CALCR: variants seen among roughly 807,000 people sequenced by gnomAD.
CALCR encodes calcitonin receptor.
In CALCR, 47 loss-of-function variants were observed where a neutral mutation model predicts 59.5. The observed-to-expected ratio is 0.79, with a 90% CI of 0.63 to 1.01. The LOEUF (loss-of-function observed/expected upper bound fraction) is 1.01. Among genes scored for constraint, CALCR ranks in the 50% least tolerant of loss-of-function variants. The pLI is 0.00. For synonymous variants in CALCR, 213 were observed against 211.3 expected, an observed-to-expected ratio of 1.01 and a Z score of -0.07; for missense variants, 566 against 597.1, an observed-to-expected ratio of 0.95 and a Z score of 0.54.
intron 2 of CALCR, among the ~76,000 whole-genome samples, chr7:93,501,823 C>G (rs953512601): frequency 6.6e-6 from 1 of 152,030 alleles, no homozygotes; most frequent in East Asian, 1.9e-4. Context: ...CTAAAGGAAC[C>G]CTGACTAACA....
At position 93,434,309 on chromosome 7, in the gene CALCR, A is replaced by G. The variant is rs1452048194; in HGVS notation, c.1150-15T>C. On this transcript the variant is annotated splice_polypyrimidine_tract_variant and intron_variant, in intron 12 of 13. Coordinates refer to ENST00000426151, the MANE Select transcript of CALCR (RefSeq NM_001742.4). ...ACAAAGAAGCCCTAAAAAGGGAAGG[A>G]AAAATACAGTTGAAGTTATTTTTGT... 5 of 1,598,638 alleles carry G rather than the reference A, an allele frequency of 3.1e-6. No homozygotes were observed. Among genetic ancestry groups the G allele is most frequent in the Non-Finnish European group, 4.3e-6 (5 of 1,166,126 alleles).
intron 2 of CALCR, chr7:93,495,976 T>G (rs148624177): frequency 1.4e-6 from 2 of 1,442,230 alleles, no homozygotes; most frequent in Admixed American, 4.5e-5. Context: ...TCATTTATTC[T>G]GTGAATAAAT....
chr7:93,426,269 C>T lies in CALCR; in HGVS notation c.*87G>A. 2 of 776,800 alleles carry T rather than the reference C, an allele frequency of 2.6e-6. No individual in the cohort carries two copies. Among genetic ancestry groups the T allele is most frequent in the Non-Finnish European group, 2.3e-6 (1 of 437,626 alleles). 48.1% of individuals were successfully genotyped at this position (776,800 alleles called of 1,614,324 possible). On this transcript the variant is annotated 3_prime_UTR_variant, in exon 14 of 14. Coordinates refer to ENST00000426151, the MANE Select transcript of CALCR (RefSeq NM_001742.4). ...TCTTCACAAATGATATGTTCGGTTC[C>T]TGGGAGGATGGAGAATACTTTAAAT...
chr7:93,511,610 G>GA lies in CALCR; in HGVS notation c.-26-24604dup, dbSNP rs59653498. On this transcript the variant is annotated intron_variant, in intron 2 of 13. Transcript: ENST00000426151. ...GGAAAATGTAATTCCTTTTGAATAGGAAAAAAAAATAGCAGATTCTTAGAC... is the reference window on the plus strand; with the variant it reads ...GGAAAATGTAATTCCTTTTGAATAGGAAAAAAAAAATAGCAGATTCTTAGAC... 6.6e-3 allele frequency among the ~76,000 whole-genome samples: 986 copies of GA among 150,146 alleles called. 11 individuals carry two copies. Among genetic ancestry groups the GA allele is most frequent in the African/African-American group, 0.023 (933 of 40,924 alleles).
chr7:93,451,982 A>G (rs1351332574), intron 8 of CALCR, among the ~76,000 whole-genome samples: 1 of 151,968 alleles, frequency 6.6e-6, no homozygotes, highest in African/African-American at 2.4e-5. Context: ...TCACACAAGG[A>G]CATAAACATG....
At chr7:93,510,823 C>T (rs1190095789) in intron 2 of CALCR, among the ~76,000 whole-genome samples, 1 of 152,108 alleles carries the variant, frequency 6.6e-6, no homozygotes, top group Non-Finnish European at 1.5e-5. Flanking sequence ...GATAGCACCA[C>T]TGCCACTCCA....
chr7:93,468,473 T>C (rs1800484296), intron 7 of CALCR, among the ~76,000 whole-genome samples: 1 of 151,778 alleles, frequency 6.6e-6, no homozygotes. Flanking sequence ...CTGTCTTATT[T>C]TGGGAAGTCT....
Position 93,557,291 on chromosome 7 carries a change from TTAATA to T in CALCR, c.-27+16993_-27+16997del, listed in dbSNP as rs1451756141. 1.1e-4 allele frequency among the ~76,000 whole-genome samples: 17 copies of T among 151,742 alleles called. 1 individual carries two copies. The highest frequency in any genetic ancestry group is 4.1e-4 in the African/African-American group (17 of 41,398). ...TTTAAAAAATTTAAAAATTGACAAA[TTAATA>T]TTATATATATATTTATGGTATGCAA... On this transcript the variant is annotated intron_variant, in intron 2 of 13. Transcript: ENST00000426151.
chr7:93,511,114 C>T (rs533540416), intron 2 of CALCR, among the ~76,000 whole-genome samples: 103 of 148,666 alleles, frequency 6.9e-4, no homozygotes, highest in Middle Eastern at 3.4e-3. Context: ...TATATATATT[C>T]ACATATGCAT....
chr7:93,559,692 C>T (rs1004359642), intron 2 of CALCR: 11 of 151,394 alleles, frequency 7.3e-5, no homozygotes, highest in African/African-American at 2.7e-4. Context: ...ATATTTCGGT[C>T]TTTGACCATA....
At chr7:93,494,636 T>C (rs1178503946) in intron 2 of CALCR, among the ~76,000 whole-genome samples, 1 of 151,414 alleles carries the variant, frequency 6.6e-6, no homozygotes, top group African/African-American at 2.4e-5. Context: ...GTCAGAAAAG[T>C]TGCACTGCAG....
At chr7:93,542,408 T>C (rs756863696) in intron 2 of CALCR, among the ~76,000 whole-genome samples, 122 of 152,346 alleles carry the variant, frequency 8.0e-4, no homozygotes, top group Non-Finnish European at 1.4e-3. Flanking sequence ...GGTATACCTG[T>C]GTAGGGCACT....
intron 8 of CALCR, among the ~76,000 whole-genome samples, chr7:93,453,735 A>G (rs1800154355): frequency 6.6e-6 from 1 of 152,012 alleles, no homozygotes; most frequent in African/African-American, 2.4e-5. Context: ...GATCGGCCAA[A>G]TGAAAGAAAC....
chr7:93,447,539 A>T (rs1010164648), intron 8 of CALCR, among the ~76,000 whole-genome samples: 2 of 151,860 alleles, frequency 1.3e-5, no homozygotes, highest in Admixed American at 6.6e-5. Context: ...GACCTTAAGT[A>T]TGAGAAATAG....
chr7:93,524,552 T>C (rs1435415351), intron 2 of CALCR, among the ~76,000 whole-genome samples: 1 of 152,148 alleles, frequency 6.6e-6, no homozygotes, highest in Non-Finnish European at 1.5e-5. Context: ...ATATCTCATA[T>C]ATTTTATTAT....
intron 7 of CALCR, among the ~76,000 whole-genome samples, chr7:93,466,133 T>G (rs1279409258): frequency 6.6e-6 from 1 of 151,858 alleles, no homozygotes; most frequent in Non-Finnish European, 1.5e-5. Flanking sequence ...GTTTGCAAAA[T>G]TACTCAACCC....
chr7:93,482,793 A>T (rs1286703164), intron 3 of CALCR: 1 of 533,564 alleles, frequency 1.9e-6, no homozygotes, highest in Non-Finnish European at 3.9e-6. Flanking sequence ...ATATTGAAAC[A>T]AACTCCAGTG....
intron 2 of CALCR, among the ~76,000 whole-genome samples, chr7:93,532,289 G>C (rs1430045151): frequency 6.6e-6 from 1 of 151,990 alleles, no homozygotes; most frequent in Non-Finnish European, 1.5e-5. Flanking sequence ...GTGTTGAAAG[G>C]TTTAGCTCCA....
At chr7:93,522,826 TTA>T (rs923094620) in intron 2 of CALCR, among the ~76,000 whole-genome samples, 1 of 152,154 alleles carries the variant, frequency 6.6e-6, no homozygotes, top group Non-Finnish European at 1.5e-5. Context: ...AGACCAGTAT[TTA>T]AGTTAATTAT....
Sources: gnomAD v4.1 joint callset for allele counts (sites outside exome capture counted in the v4.1 genomes callset) on GRCh38, gnomAD v4.1.1 for gene constraint, MANE v1.5 for transcripts, NCBI Gene and HGNC (gene_info 2026-07-23, HGNC 2026-07-21) for gene names.